The following SEMA5B variants were observed in gnomAD, a reference collection of about 807,000 sequenced individuals.
SEMA5B encodes semaphorin 5B, also known as semaphorin-5B.
Under a neutral mutation model 135.0 loss-of-function variants are expected in SEMA5B, and 66 were observed. That is an observed-to-expected ratio of 0.49 (90% confidence interval 0.40 to 0.60). The LOEUF is 0.60. Ranked by LOEUF, SEMA5B falls within the 20% of genes least tolerant of loss-of-function variation. SEMA5B has a pLI of 0.00. For synonymous variants in SEMA5B, 690 were observed against 639.5 expected (o/e 1.08, Z -1.19); for missense variants, 1,501 against 1,566.3 (o/e 0.96, Z 0.70).
At chr3:122,935,512 C>G (rs1450963994) in intron 5 of SEMA5B, among the ~76,000 whole-genome samples, 1 of 151,950 alleles carries the variant, frequency 6.6e-6, no homozygotes, top group African/African-American at 2.4e-5. Context: ...GGTCCCAACC[C>G]TTTAATTTAG....
At chr3:122,914,153 C>CA in intron 14 of SEMA5B, 152 bp from the exon 15 acceptor site, 1 of 768,840 alleles carries the variant, frequency 1.3e-6, no homozygotes, top group Non-Finnish European at 1.9e-6. Flanking sequence ...TCATCTCAGG[C>CA]AGACTCGCTC....
At chr3:122,983,057 C>T (rs1320935535) in intron 1 of SEMA5B, among the ~76,000 whole-genome samples, 3 of 152,128 alleles carry the variant, frequency 2.0e-5, no homozygotes, top group Non-Finnish European at 4.4e-5. Flanking sequence ...CCAGGCAGGG[C>T]GGCTGCGGGA....
chr3:122,926,822 ACTAACTCT>A, intron 8 of SEMA5B, 145 bp from the exon 9 acceptor site: 1 of 851,586 alleles, frequency 1.2e-6, no homozygotes, highest in South Asian at 1.8e-5. Context: ...GGGGGCCCTA[ACTAACTCT>A]CTTCCCACTT....
intron 5 of SEMA5B, among the ~76,000 whole-genome samples, chr3:122,938,816 A>G (rs765494531): frequency 6.6e-6 from 1 of 152,212 alleles, no homozygotes; most frequent in African/African-American, 2.4e-5. Flanking sequence ...CTGTTTCTCA[A>G]TCTGGGATAA....
chr3:122,943,258 A>C (rs1448576796), intron 4 of SEMA5B, among the ~76,000 whole-genome samples, 178 bp downstream of exon 4: 2 of 151,532 alleles, frequency 1.3e-5, no homozygotes, highest in Non-Finnish European at 2.9e-5. Context: ...CCCCACCCCC[A>C]CCCAGCCGAA....
intron 5 of SEMA5B, among the ~76,000 whole-genome samples, chr3:122,930,317 G>A (rs1938902105): frequency 6.6e-6 from 1 of 152,222 alleles, no homozygotes; most frequent in African/African-American, 2.4e-5. Context: ...TGAGTGACAA[G>A]TTTGGAGCCC....
chr3:122,976,748 G>A (rs1194445209), intron 1 of SEMA5B, among the ~76,000 whole-genome samples: 1 of 152,102 alleles, frequency 6.6e-6, no homozygotes, highest in African/African-American at 2.4e-5. Flanking sequence ...ACACATCTGA[G>A]TGATTTAAAA....
At chr3:122,999,065 C>T (rs551323587) in intron 1 of SEMA5B, among the ~76,000 whole-genome samples, 34 of 152,248 alleles carry the variant, frequency 2.2e-4, no homozygotes, top group Admixed American at 1.8e-3. Context: ...GAAACCCAGG[C>T]GGTCAAGTTC....
chr3:122,910,020 C>T lies in SEMA5B; in HGVS notation c.*123G>A, dbSNP rs975824509. The T allele has an allele frequency of 2.8e-6, 3 of 1,055,542 alleles. No homozygotes were observed. Among genetic ancestry groups the T allele is most frequent in the South Asian group, 1.7e-5 (1 of 59,376 alleles). 65.4% of individuals were successfully genotyped at this position (1,055,542 alleles called of 1,614,324 possible). Reference sequence around the variant, plus strand: ...CTCTGAAGCCGGATGGGACCCCCCACAGGCAAGGCAGCAAGTTCTTGGCCT... The same window carrying T: ...CTCTGAAGCCGGATGGGACCCCCCATAGGCAAGGCAGCAAGTTCTTGGCCT... On this transcript the variant is annotated 3_prime_UTR_variant, in exon 23 of 23. Transcript: ENST00000357599.
chr3:122,912,450 A>C (rs899276621), intron 18 of SEMA5B, 108 bp from the exon 19 acceptor site: 41 of 1,052,402 alleles, frequency 3.9e-5, no homozygotes, highest in Non-Finnish European at 4.8e-5. Context: ...CAGTGACCTC[A>C]ACATCCACCC....
At chr3:122,978,240 C>T (rs779994671) in intron 1 of SEMA5B, among the ~76,000 whole-genome samples, 12 of 152,240 alleles carry the variant, frequency 7.9e-5, no homozygotes, top group African/African-American at 1.2e-4. Context: ...CCATGCGAGT[C>T]GGTGGGTGGA....
At chr3:123,020,521 T>A (rs1405656234) in intron 1 of SEMA5B, among the ~76,000 whole-genome samples, 3 of 152,218 alleles carry the variant, frequency 2.0e-5, no homozygotes, top group Admixed American at 6.5e-5. Context: ...GTAGCTATGA[T>A]CTGGATGCCA....
intron 1 of SEMA5B, among the ~76,000 whole-genome samples, chr3:122,978,302 C>T (rs1257767415): frequency 6.6e-6 from 1 of 152,216 alleles, no homozygotes; most frequent in Non-Finnish European, 1.5e-5. Context: ...AATCTCTGTG[C>T]AGTCGGTTGC....
intron 1 of SEMA5B, among the ~76,000 whole-genome samples, chr3:122,979,576 C>A (rs370823319): frequency 1.3e-5 from 2 of 152,142 alleles, no homozygotes; most frequent in East Asian, 1.9e-4. Context: ...CACATGTTAC[C>A]CTATGGCAGC....
intron 1 of SEMA5B, among the ~76,000 whole-genome samples, chr3:123,016,526 G>A (rs1387740735): frequency 6.6e-6 from 1 of 151,968 alleles, no homozygotes; most frequent in Non-Finnish European, 1.5e-5. Flanking sequence ...ATAATTACAA[G>A]AAAAAAGTCT....
intron 1 of SEMA5B, among the ~76,000 whole-genome samples, chr3:123,000,545 A>T (rs1448127398): frequency 2.0e-5 from 3 of 152,260 alleles, no homozygotes; most frequent in African/African-American, 7.2e-5. Context: ...TATATTCACA[A>T]ATCTAATCCT....
intron 15 of SEMA5B, 69 bp downstream of exon 15, chr3:122,913,789 G>A: frequency 6.4e-7 from 1 of 1,566,828 alleles, no homozygotes; most frequent in Non-Finnish European, 8.7e-7. Context: ...GGATCACGAG[G>A]AGAATCCAGG....
At chr3:122,917,342 A>G (rs185100118) in intron 12 of SEMA5B, among the ~76,000 whole-genome samples, 4 of 152,226 alleles carry the variant, frequency 2.6e-5, no homozygotes, top group Admixed American at 2.6e-4. Context: ...CGGGGAGTTC[A>G]CAACATTCTG....
At chr3:122,990,470 A>G (rs1258012829) in intron 1 of SEMA5B, among the ~76,000 whole-genome samples, 1 of 152,152 alleles carries the variant, frequency 6.6e-6, no homozygotes, top group Non-Finnish European at 1.5e-5. Flanking sequence ...TTTCACCTGA[A>G]CCAGTAGTTC....
Sources: allele counts gnomAD v4.1 joint callset (sites outside exome capture counted in the v4.1 genomes callset), GRCh38; gene constraint gnomAD v4.1.1; transcripts MANE v1.5; gene names NCBI Gene and HGNC (gene_info 2026-07-23, HGNC 2026-07-21).